The following CAMTA1 variants were observed in gnomAD, a reference collection of about 807,000 sequenced individuals.
The protein encoded by CAMTA1 is calmodulin binding transcription activator 1.
A neutral mutation model predicts 170.9 loss-of-function variants in CAMTA1; 27 were observed. That is an observed-to-expected ratio of 0.16 (90% CI 0.12 to 0.22). The LOEUF is 0.22. Ranked by LOEUF, CAMTA1 falls within the 10% of genes least tolerant of loss-of-function variation. The probability of loss-of-function intolerance (pLI) is 1.00; values close to 1 mark genes in which losing one functional copy is unlikely to be tolerated. For synonymous variants in CAMTA1, 833 were observed against 891.5 expected (o/e 0.93, Z 1.17); for missense variants, 1,619 against 2,217.2 (o/e 0.73, Z 5.42).
intron 3 of CAMTA1, among the ~76,000 whole-genome samples, chr1:6,978,231 A>G (rs927408243): frequency 1.2e-4 from 19 of 152,360 alleles, no homozygotes; most frequent in African/African-American, 3.4e-4. Context: ...GTATAATTCG[A>G]TTGTTTTAAC....
Position 7,736,652 on chromosome 1 carries a change from C to T in CAMTA1, c.3263+112C>T, listed in dbSNP as rs996921457. The T allele has an allele frequency of 2.8e-5, 30 of 1,088,086 alleles. No individual in the cohort carries two copies. Among genetic ancestry groups the T allele is most frequent in the South Asian group, 1.6e-4 (11 of 70,904 alleles). 67.4% of individuals were successfully genotyped at this position (1,088,086 alleles called of 1,614,324 possible). On this transcript the variant is annotated intron_variant, in intron 13 of 22. Transcript: ENST00000303635. This position sits in a 1 kb window ranked among gnomAD's most constrained non-coding sequence, Gnocchi z 4.5. ...CTACCCATTCAGTCCACTTTATAGC[C>T]GGCGAGCAAAGGGCTTTGTCCTTGG...
At position 7,570,370 on chromosome 1, in the gene CAMTA1, T is replaced by C. The variant is rs2095110672; in HGVS notation, c.511-70030T>C. On this transcript the variant is annotated intron_variant, in intron 6 of 22. Coordinates refer to ENST00000303635, the MANE Select transcript of CAMTA1 (RefSeq NM_015215.4). This position sits in a 1 kb window ranked among gnomAD's most constrained non-coding sequence, Gnocchi z 4.3. ...GCCCTTTCAGAGAGGGCCGGAGAACTTATTGCTTAAGCTGGAAGGGTGGAG... is the reference window on the plus strand; with the variant it reads ...GCCCTTTCAGAGAGGGCCGGAGAACCTATTGCTTAAGCTGGAAGGGTGGAG... Among the ~76,000 whole-genome samples the C allele has an allele frequency of 6.6e-6, 1 of 152,152 alleles. No homozygotes were observed. Among genetic ancestry groups the C allele is most frequent in the Non-Finnish European group, 1.5e-5 (1 of 68,006 alleles).
At chr1:7,450,964 C>T (rs1365340764) in intron 5 of CAMTA1, among the ~76,000 whole-genome samples, 5 of 152,180 alleles carry the variant, frequency 3.3e-5, no homozygotes. Context: ...GTTATTTCCC[C>T]GGGGAGGTCG....
intron 3 of CAMTA1, chr1:6,886,247 A>G (rs1441269334): frequency 2.2e-6 from 1 of 456,080 alleles, no homozygotes; most frequent in Non-Finnish European, 4.4e-6. Context: ...CAGGTCTTAA[A>G]ATTTTGGTAG....
intron 5 of CAMTA1, among the ~76,000 whole-genome samples, chr1:7,295,292 T>G (rs1673770993): frequency 6.6e-6 from 1 of 152,200 alleles, no homozygotes; most frequent in Non-Finnish European, 1.5e-5. Flanking sequence ...ATTCCGGCCC[T>G]GTCTCCTACA....
intron 3 of CAMTA1, among the ~76,000 whole-genome samples, chr1:6,859,816 T>C (rs1243704491): frequency 2.0e-5 from 3 of 152,164 alleles, no homozygotes; most frequent in Non-Finnish European, 4.4e-5. Context: ...AGAAATGTTG[T>C]AGAATACCAA....
intron 5 of CAMTA1, among the ~76,000 whole-genome samples, chr1:7,458,518 C>T (rs940516332): frequency 1.3e-5 from 2 of 152,218 alleles, no homozygotes; most frequent in East Asian, 1.9e-4. Context: ...CAAGGGACGG[C>T]TACTCTCCCA....
intron 20 of CAMTA1, among the ~76,000 whole-genome samples, chr1:7,751,654 C>A (rs2096898276): frequency 6.6e-6 from 1 of 151,388 alleles, no homozygotes; most frequent in South Asian, 2.1e-4. Flanking sequence ...CAGAATTTGG[C>A]AGCACCAGTT....
chr1:7,158,180 G>T (rs527346784), intron 4 of CAMTA1, among the ~76,000 whole-genome samples: 3 of 152,038 alleles, frequency 2.0e-5, no homozygotes, highest in Non-Finnish European at 4.4e-5. Context: ...ACCAAAACAC[G>T]TTTTGGATAC....
At chr1:7,282,244 C>T (rs142844804) in intron 5 of CAMTA1, among the ~76,000 whole-genome samples, 2 of 152,300 alleles carry the variant, frequency 1.3e-5, no homozygotes, top group African/African-American at 4.8e-5. Context: ...GGCCCAACCA[C>T]CTGTGTCGCC....
chr1:6,833,052 A>G (rs1651103131), intron 3 of CAMTA1, among the ~76,000 whole-genome samples: 2 of 152,174 alleles, frequency 1.3e-5, no homozygotes, highest in Admixed American at 1.3e-4. Context: ...ACTCCACAGG[A>G]TATATTGAAA....
Position 6,995,449 on chromosome 1 carries a change from C to T in CAMTA1, c.235-95855C>T, listed in dbSNP as rs539345588. Among the ~76,000 whole-genome samples, 105 of 151,692 alleles carry T rather than the reference C, an allele frequency of 6.9e-4. 1 individual carries two copies. Among genetic ancestry groups the T allele is most frequent in the African/African-American group, 2.4e-3 (100 of 41,384 alleles). Reference sequence around the variant, plus strand: ...CTCCCCAGTAACTGAGACTACAGACCTGCGCCACCACGCCCAGCTAATTTT... The same window carrying T: ...CTCCCCAGTAACTGAGACTACAGACTTGCGCCACCACGCCCAGCTAATTTT... On this transcript the variant is annotated intron_variant, in intron 3 of 22. Transcript: ENST00000303635.
Position 7,299,418 on chromosome 1 carries a change from G to A in CAMTA1, c.438+49792G>A, listed in dbSNP as rs140478869. 4.1e-3 allele frequency among the ~76,000 whole-genome samples: 632 copies of A among 152,308 alleles called. 3 individuals are homozygous for A. The highest frequency in any genetic ancestry group is 7.1e-3 in the Non-Finnish European group (483 of 68,032). ...ATGTGACTCAATATGAACTAAGCAG[G>A]GGGTGGGAGGTACAGACCACCCCAG... On this transcript the variant is annotated intron_variant, in intron 5 of 22. Coordinates refer to ENST00000303635, the MANE Select transcript of CAMTA1 (RefSeq NM_015215.4). This position sits in a 1 kb window ranked among gnomAD's most constrained non-coding sequence, Gnocchi z 4.7.
rs12057346 is a variant in CAMTA1, at chr1:6,894,760, G to T, written c.234+69550G>T. Among the ~76,000 whole-genome samples the T allele has an allele frequency of 8.0e-3, 1,214 of 152,254 alleles. 18 individuals are homozygous for T. Among genetic ancestry groups the T allele is most frequent in the African/African-American group, 0.028 (1,159 of 41,532 alleles). ...GGACTAGCTATTTTAAACATTTCAG[G>T]ATATAAGAATGCTAAATGGGGGTTC... is the stretch of plus-strand genomic sequence containing the variant. On this transcript the variant is annotated intron_variant, in intron 3 of 22. Transcript: ENST00000303635.
intron 3 of CAMTA1, among the ~76,000 whole-genome samples, chr1:6,929,325 G>T (rs921629081): frequency 4.0e-5 from 6 of 151,590 alleles, no homozygotes; most frequent in African/African-American, 9.7e-5. Context: ...GACTATAGGC[G>T]CATACCACCA....
chr1:7,582,216 C>T (rs539632550), intron 6 of CAMTA1, among the ~76,000 whole-genome samples: 16 of 152,262 alleles, frequency 1.1e-4, no homozygotes, highest in Non-Finnish European at 5.9e-5. Flanking sequence ...AAATGATAGC[C>T]CACGTGGCGG....
intron 6 of CAMTA1, among the ~76,000 whole-genome samples, chr1:7,491,365 A>G (rs7516475): frequency 0.042 from 6,459 of 152,302 alleles, 443 homozygotes; most frequent in African/African-American, 0.15. Flanking sequence ...CACAAACCAT[A>G]GAGGGGAAGG....
chr1:7,396,588 A>G (rs1582226), intron 5 of CAMTA1, among the ~76,000 whole-genome samples: 107,990 of 152,118 alleles, frequency 0.71, 38,845 homozygotes, highest in Middle Eastern at 0.8. Context: ...CTTAGAAGAA[A>G]AGCATTTAAT....
At chr1:7,291,956 C>T (rs894246434) in intron 5 of CAMTA1, among the ~76,000 whole-genome samples, 3 of 152,172 alleles carry the variant, frequency 2.0e-5, no homozygotes, top group Admixed American at 6.5e-5. Context: ...TCCAAGGGTG[C>T]GTGTGCCCAT....
Sources: allele counts gnomAD v4.1 joint callset (sites outside exome capture counted in the v4.1 genomes callset), GRCh38; gene constraint gnomAD v4.1.1; non-coding constraint Gnocchi (gnomAD v3.1); transcripts MANE v1.5; gene names NCBI Gene and HGNC (gene_info 2026-07-23, HGNC 2026-07-21).